CENPP: variants seen among roughly 807,000 people sequenced by gnomAD.
CENPP encodes the protein centromere protein P.
CENPP carries 24 observed loss-of-function variants against 35.6 expected under a neutral mutation model. That is an observed-to-expected ratio of 0.67 (90% confidence interval 0.49 to 0.95). The LOEUF is 0.95. Ranked by LOEUF, CENPP falls within the 40% of genes least tolerant of loss-of-function variation. The probability of loss-of-function intolerance (pLI) is 0.00; values close to 1 mark genes in which losing one functional copy is unlikely to be tolerated. For synonymous variants in CENPP, 120 were observed against 125.5 expected, an observed-to-expected ratio of 0.96 and a Z score of 0.29; for missense variants, 332 against 345.3, an observed-to-expected ratio of 0.96 and a Z score of 0.31.
At chr9:92,502,707 A>G in intron 5 of CENPP, 4 of 1,388,550 alleles carry the variant, frequency 2.9e-6, no homozygotes, top group Non-Finnish European at 3.9e-6. Flanking sequence ...GATACGTTCA[A>G]TTTCATGGAG....
chr9:92,522,580 A>G lies in CENPP; in HGVS notation c.565-88734A>G, dbSNP rs201265258. 1.6e-4 allele frequency: 251 copies of G among 1,608,862 alleles called. 1 individual carries two copies. The South Asian group carries it at 2.6e-3, about 16-fold the overall frequency. Reference sequence around the variant, plus strand: ...CTCTCATAGTGTTCTCTTACCTGGTAACACATTATAACTTGATTCTACTCC... The same window carrying G: ...CTCTCATAGTGTTCTCTTACCTGGTGACACATTATAACTTGATTCTACTCC... On this transcript the variant is annotated intron_variant, in intron 5 of 7. Coordinates refer to ENST00000375587, the MANE Select transcript of CENPP (RefSeq NM_001012267.3).
chr9:92,475,064 T>C, intron 5 of CENPP: 1 of 965,854 alleles, frequency 1.0e-6, no homozygotes, highest in East Asian at 3.2e-5. Flanking sequence ...ATAAAGATTT[T>C]TGGAAAGCAA....
At chr9:92,589,404 A>C (rs1437246580) in intron 5 of CENPP, among the ~76,000 whole-genome samples, 1 of 151,922 alleles carries the variant, frequency 6.6e-6, no homozygotes, top group Non-Finnish European at 1.5e-5. Context: ...TTATAAAATG[A>C]CTGTACCATT....
intron 5 of CENPP, among the ~76,000 whole-genome samples, chr9:92,599,551 G>A (rs910575719): frequency 6.6e-6 from 1 of 152,018 alleles, no homozygotes; most frequent in Admixed American, 6.6e-5. Context: ...TGAATAGCTG[G>A]GACTACAGGC....
At chr9:92,463,744 A>G (rs1845200408) in intron 5 of CENPP, among the ~76,000 whole-genome samples, 1 of 152,198 alleles carries the variant, frequency 6.6e-6, no homozygotes, top group Admixed American at 6.5e-5. Context: ...CTAAAATGGG[A>G]AGGTAAATGT....
At chr9:92,365,406 CTTTTTTTTTTTT>C (rs33952600) in intron 4 of CENPP, among the ~76,000 whole-genome samples, 3 of 81,506 alleles carry the variant, frequency 3.7e-5, no homozygotes, top group Non-Finnish European at 6.8e-5. Context: ...TATAACTACT[CTTTTTTTTTTTT>C]TTTTTTTTTT....
intron 5 of CENPP, among the ~76,000 whole-genome samples, chr9:92,584,268 A>G (rs1180976760): frequency 6.6e-6 from 1 of 152,194 alleles, no homozygotes; most frequent in Non-Finnish European, 1.5e-5. Context: ...CCAAAATCAG[A>G]TGAGGGTCTT....
chr9:92,452,208 C>T (rs1242399095), intron 5 of CENPP, among the ~76,000 whole-genome samples: 1 of 151,834 alleles, frequency 6.6e-6, no homozygotes, highest in Non-Finnish European at 1.5e-5. Flanking sequence ...CAGTTTTTGC[C>T]CATTCAGTAT....
Position 92,591,344 on chromosome 9 carries a change from G to A in CENPP, c.565-19970G>A, listed in dbSNP as rs531591349. On this transcript the variant is annotated intron_variant, in intron 5 of 7. Transcript: ENST00000375587. ...TGAGGCAGGAGAATGGCATGAACCC[G>A]GGAGGCGGAACTTGCAGTGAGCCGA... Among the ~76,000 whole-genome samples the A allele has an allele frequency of 3.9e-5, 6 of 151,990 alleles. No individual in the cohort carries two copies. The East Asian group carries it at 1.2e-3, about 29-fold the overall frequency.
chr9:92,386,445 G>T, intron 5 of CENPP: 1 of 580,458 alleles, frequency 1.7e-6, no homozygotes, highest in Non-Finnish European at 3.1e-6. Context: ...TTGTTCGTAT[G>T]GTAGTTTCTT....
intron 5 of CENPP, among the ~76,000 whole-genome samples, chr9:92,471,027 G>A (rs1322509133): frequency 1.3e-5 from 2 of 152,084 alleles, no homozygotes; most frequent in Non-Finnish European, 2.9e-5. Context: ...CCTCTAAGGT[G>A]GAATAAAAGG....
At chr9:92,371,900 C>CTGT (rs1430266506) in intron 4 of CENPP, among the ~76,000 whole-genome samples, 5 of 144,364 alleles carry the variant, frequency 3.5e-5, no homozygotes, top group African/African-American at 1.3e-4. Flanking sequence ...GAGTCTCTCT[C>CTGT]TGTTGCCCAG....
chr9:92,467,302 GC>G (rs1483860219), intron 5 of CENPP, among the ~76,000 whole-genome samples: 3 of 152,194 alleles, frequency 2.0e-5, no homozygotes, highest in South Asian at 2.1e-4. Context: ...TGGGTGACCA[GC>G]CATCTCAGTC....
intron 5 of CENPP, chr9:92,495,520 G>A: frequency 3.1e-6 from 3 of 983,330 alleles, no homozygotes; most frequent in Non-Finnish European, 3.6e-6. Context: ...TAATTAATTT[G>A]TATTTTAAGC....
chr9:92,555,003 T>TTTG (rs57027847), intron 5 of CENPP, among the ~76,000 whole-genome samples: 26,829 of 149,736 alleles, frequency 0.18, 3,021 homozygotes, highest in East Asian at 0.59. Flanking sequence ...GTCTGTATTG[T>TTTG]TTGTTGTTGT....
At chr9:92,602,743 CAGAG>C (rs1028906779) in intron 5 of CENPP, among the ~76,000 whole-genome samples, 4 of 152,266 alleles carry the variant, frequency 2.6e-5, no homozygotes, top group Non-Finnish European at 5.9e-5. Flanking sequence ...TGGCGCAACA[CAGAG>C]GGAGGTGACA....
chr9:92,377,885 G>A (rs1157035830), intron 4 of CENPP, among the ~76,000 whole-genome samples: 3 of 149,516 alleles, frequency 2.0e-5, no homozygotes, highest in African/African-American at 4.9e-5. Flanking sequence ...ATTCTGGTTC[G>A]TTTTATGTAG....
chr9:92,437,093 T>C (rs1844263671), intron 5 of CENPP, among the ~76,000 whole-genome samples: 1 of 152,104 alleles, frequency 6.6e-6, no homozygotes, highest in African/African-American at 2.4e-5. Flanking sequence ...TCCCAGCTAC[T>C]TAGGAGGCTG....
chr9:92,530,985 C>T (rs906131349), intron 5 of CENPP, among the ~76,000 whole-genome samples: 1 of 152,082 alleles, frequency 6.6e-6, no homozygotes, highest in South Asian at 2.1e-4. Context: ...TGATTAATGT[C>T]TGCAAAATAT....
Sources: gnomAD v4.1 joint callset for allele counts (sites outside exome capture counted in the v4.1 genomes callset) on GRCh38, gnomAD v4.1.1 for gene constraint, MANE v1.5 for transcripts, NCBI Gene and HGNC (gene_info 2026-07-23, HGNC 2026-07-21) for gene names.